MLYCD: variants seen among roughly 807,000 people sequenced by gnomAD.
The protein encoded by MLYCD is malonyl-CoA decarboxylase.
A neutral mutation model predicts 35.8 loss-of-function variants in MLYCD; 27 were observed. The observed-to-expected ratio is 0.75, with a 90% CI of 0.56 to 1.04. The LOEUF (loss-of-function observed/expected upper bound fraction) is 1.04, where lower values mean the gene tolerates loss of function less well. MLYCD is among the 50% of genes least tolerant of loss of function. MLYCD has a pLI of 0.00. For synonymous variants in MLYCD, 403 were observed against 302.4 expected (o/e 1.33, Z -3.45); for missense variants, 917 against 665.1 (o/e 1.38, Z -4.17).
chr16:83,917,440 C>A lies in MLYCD; in HGVS notation c.*1951C>A. 1 of 154,736 alleles carries A rather than the reference C, an allele frequency of 6.5e-6. No individual in the cohort carries two copies. The highest frequency in any genetic ancestry group is 2.0e-4 in the South Asian group (1 of 4,924). The allele number at this position is 154,736 out of a possible 1,614,324, so 9.6% of individuals were successfully genotyped here. ...CTGTGTGCGTGTGTCCGCAGTTGCCCTGTCCTCGCTGTCCTCGGTTTGGCA... is the reference window on the plus strand; with the variant it reads ...CTGTGTGCGTGTGTCCGCAGTTGCCATGTCCTCGCTGTCCTCGGTTTGGCA... On this transcript the variant is annotated 3_prime_UTR_variant, in exon 5 of 5. Transcript: ENST00000262430.
At chr16:83,907,436 C>T (rs1306067575) in intron 2 of MLYCD, among the ~76,000 whole-genome samples, 1 of 152,204 alleles carries the variant, frequency 6.6e-6, no homozygotes, top group Non-Finnish European at 1.5e-5. Context: ...CTGGACCAAG[C>T]GTTTGCATTC....
chr16:83,907,317 T>C lies in MLYCD; in HGVS notation c.641+218T>C, dbSNP rs3815811. On this transcript the variant is annotated intron_variant, in intron 2 of 4. Transcript: ENST00000262430. ...GAAAGGGCACCAAGAGAAACTGATA[T>C]GTCTGTCAGTGACCTGCGTGTGAGG... 0.073 allele frequency among the ~76,000 whole-genome samples: 11,089 copies of C among 152,212 alleles called. 486 individuals carry two copies. The highest frequency in any genetic ancestry group is 0.11 in the East Asian group (582 of 5,172).
rs768104447 is a variant in MLYCD at position 83,915,478 on chromosome 16, A to G, written c.1471A>G (p.Ser491Gly). Residue 491 changes from serine (S) to glycine (G), a missense_variant, in exon 5 of 5, where the codon AGC becomes GGC. Ser to Gly is a moderately conservative substitution (Grantham distance 56). Coordinates refer to ENST00000262430, the MANE Select transcript of MLYCD (RefSeq NM_012213.3). ...LSLVAQFQKN[S>G]KL Reference sequence around the variant, plus strand: ...CCTAGTGGCCCAGTTTCAAAAGAACAGCAAGCTCTGACAGTAAACCTCTCC... The same window carrying G: ...CCTAGTGGCCCAGTTTCAAAAGAACGGCAAGCTCTGACAGTAAACCTCTCC... The G allele has an allele frequency of 6.2e-7, 1 of 1,611,874 alleles. No homozygotes were observed. The highest frequency in any genetic ancestry group is 1.1e-5 in the South Asian group (1 of 91,086).
chr16:83,899,469 G>A lies in MLYCD; in HGVS notation c.325G>A (p.Val109Met), dbSNP rs1306646652. 5.2e-6 allele frequency: 8 copies of A among 1,548,708 alleles called. No individual in the cohort carries two copies. The highest frequency in any genetic ancestry group is 1.2e-5 in the South Asian group (1 of 85,626). The change falls in exon 1 of 5, where the codon GTG becomes ATG. Residue 109 changes from valine to methionine, a missense_variant. By Grantham distance (21) the Val-to-Met change is conservative. Transcript: ENST00000262430. The stretch of plus-strand genomic sequence containing the variant: ...CCAGGTGGCGGAGCAGAGCGCCGGC[G>A]TGCTCCATCTGCGCCAGCAGCAGCG... Reference protein sequence around the residue: ...HGQVAEQSAGVLHLRQQQREA... With the variant: ...HGQVAEQSAGMLHLRQQQREA...
intron 2 of MLYCD, 63 bp from the exon 3 acceptor site, chr16:83,908,063 G>C: frequency 6.3e-7 from 1 of 1,592,112 alleles, no homozygotes. Flanking sequence ...GTATGAATAG[G>C]AGTCAGCAGC....
chr16:83,904,227 C>T lies in MLYCD; in HGVS notation c.529-2760C>T, dbSNP rs529302463. Among the ~76,000 whole-genome samples, 3 of 152,294 alleles carry T rather than the reference C, an allele frequency of 2.0e-5. 1 individual carries two copies. The South Asian group carries it at 6.2e-4, about 32-fold the overall frequency. ...GTAAGACAGATACCAGTACCTCTTA[C>T]GCAGAGCTCAGCTCATCCGTTCCTA... is the stretch of plus-strand genomic sequence containing the variant. On this transcript the variant is annotated intron_variant, in intron 1 of 4. Transcript: ENST00000262430.
Position 83,907,069 on chromosome 16 carries a change from C to T in MLYCD, c.611C>T (p.Ser204Leu), listed in dbSNP as rs769582107. The T allele has an allele frequency of 3.7e-6, 6 of 1,614,170 alleles. No homozygotes were observed. The highest frequency in any genetic ancestry group is 5.1e-6 in the Non-Finnish European group (6 of 1,179,992). ...FLNLERVTWH[S>L]PCEVLQKISE... is the part of the protein sequence containing the mutation. ...AACCTAGAACGGGTTACCTGGCATT[C>T]ACCGTGTGAAGTGCTTCAGAAAATC... The change falls in exon 2 of 5, where the codon TCA becomes TTA. Residue 204 changes from serine to leucine, a missense_variant. Coordinates refer to ENST00000262430, the MANE Select transcript of MLYCD (RefSeq NM_012213.3).
At chr16:83,901,350 T>G (rs1232325010) in intron 1 of MLYCD, among the ~76,000 whole-genome samples, 2 of 152,208 alleles carry the variant, frequency 1.3e-5, no homozygotes, top group Admixed American at 6.5e-5. Context: ...GTCTTTAAAT[T>G]TCTTGCATAG....
rs762339233 is a variant in MLYCD, at chr16:83,917,601, G to A, written c.*2112G>A. On this transcript the variant is annotated 3_prime_UTR_variant, in exon 5 of 5. Transcript: ENST00000262430. ...GCTGTCTCATGCCTCTTGTTCTCCG[G>A]GCTGATTCTGAAAGAGTGGCTTGCA... is the stretch of plus-strand genomic sequence containing the variant. 6 of 152,256 alleles carry A rather than the reference G, an allele frequency of 3.9e-5. No individual in the cohort carries two copies. The highest frequency in any genetic ancestry group is 8.8e-5 in the Non-Finnish European group (6 of 68,044). 9.4% of individuals were successfully genotyped at this position (152,256 alleles called of 1,614,324 possible).
intron 4 of MLYCD, 179 bp from the exon 5 acceptor site, chr16:83,914,777 T>C: frequency 2.3e-6 from 2 of 885,202 alleles, no homozygotes; most frequent in South Asian, 1.5e-5. Flanking sequence ...AGACCCTGAC[T>C]CTAAGAGGAA....
intron 3 of MLYCD, among the ~76,000 whole-genome samples, chr16:83,910,447 G>A (rs939050839): frequency 6.6e-6 from 1 of 152,056 alleles, no homozygotes; most frequent in Non-Finnish European, 1.5e-5. Flanking sequence ...AACACCCCGG[G>A]AGGCTGAGGA....
At chr16:83,914,095 T>G (rs1333603901) in intron 4 of MLYCD, 1 of 152,142 alleles carries the variant, frequency 6.6e-6, no homozygotes, top group Non-Finnish European at 1.5e-5. Context: ...CTCAATGTAG[T>G]GGAGTGTGAT....
Position 83,921,343 on chromosome 16 carries a change from T to C in MLYCD, c.*5854T>C, listed in dbSNP as rs1907646437. On this transcript the variant is annotated 3_prime_UTR_variant, in exon 5 of 5. Transcript: ENST00000262430. ...GGATAGATGGAGGGTAGAGTGTAGA[T>C]GGAAGGAAAGGAAAGGAGGATGGAT... 2.3e-5 allele frequency: 3 copies of C among 130,818 alleles called. No homozygotes were observed. The South Asian group carries it at 7.5e-4, about 33-fold the overall frequency. The allele number at this position is 130,818 out of a possible 1,614,324, so 8.1% of individuals were successfully genotyped here.
intron 1 of MLYCD, among the ~76,000 whole-genome samples, chr16:83,902,153 GCGTATATA>G (rs1259422647): frequency 4.5e-4 from 35 of 77,030 alleles, no homozygotes; most frequent in Admixed American, 3.4e-3. Flanking sequence ...GTGTGTGCGT[GCGTATATA>G]TATATATATA....
chr16:83,912,387 C>A lies in MLYCD; in HGVS notation c.948+20C>A. 6.2e-7 allele frequency: 1 copy of A among 1,613,926 alleles called. No individual in the cohort carries two copies. Among genetic ancestry groups the A allele is most frequent in the East Asian group, 2.2e-5 (1 of 44,860 alleles). On this transcript the variant is annotated intron_variant, in intron 4 of 4. Coordinates refer to ENST00000262430, the MANE Select transcript of MLYCD (RefSeq NM_012213.3). The stretch of plus-strand genomic sequence containing the variant: ...TTGCAGGTAAGCGACACGCAGGGAG[C>A]CCCGGTCACGCTTGGCTTCCGTGTG...
rs1907406383 is a variant in MLYCD, at chr16:83,916,670, C to G, written c.*1181C>G. On this transcript the variant is annotated 3_prime_UTR_variant, in exon 5 of 5. Transcript: ENST00000262430. ...TGTGCACGAGCATCTCTGTGTGTGT[C>G]AGTGCACGTCTGTGTGCGTGTGCAC... The G allele has an allele frequency of 7.9e-6, 1 of 127,342 alleles. No homozygotes were observed. The highest frequency in any genetic ancestry group is 2.8e-4 in the East Asian group (1 of 3,562). 7.9% of individuals were successfully genotyped at this position (127,342 alleles called of 1,614,324 possible). A position where few individuals can be genotyped will look rare whatever the true frequency, so the allele number is the denominator to read the frequency against.
chr16:83,912,066 A>C lies in MLYCD; in HGVS notation c.799-152A>C, dbSNP rs1206908933. On this transcript the variant is annotated intron_variant, in intron 3 of 4. Coordinates refer to ENST00000262430, the MANE Select transcript of MLYCD (RefSeq NM_012213.3). Reference sequence around the variant, plus strand: ...GAGTTTTCAAAACAGAGCAGCTTTTAGGCTCTGTAGCCTGAACCCCAGCTG... The same window carrying C: ...GAGTTTTCAAAACAGAGCAGCTTTTCGGCTCTGTAGCCTGAACCCCAGCTG... 6.4e-6 allele frequency: 7 copies of C among 1,094,550 alleles called. No homozygotes were observed. In the East Asian group the frequency reaches 1.4e-4, roughly 22 times the overall value. The allele number at this position is 1,094,550 out of a possible 1,614,324, so 67.8% of individuals were successfully genotyped here.
chr16:83,911,225 G>A (rs190383584), intron 3 of MLYCD, among the ~76,000 whole-genome samples: 2,230 of 152,156 alleles, frequency 0.015, 52 homozygotes, highest in African/African-American at 0.052. Flanking sequence ...TGATCTGCCC[G>A]CCTCGGCCTC....
At chr16:83,909,088 C>G (rs1433478544) in intron 3 of MLYCD, among the ~76,000 whole-genome samples, 1 of 152,100 alleles carries the variant, frequency 6.6e-6, no homozygotes, top group Non-Finnish European at 1.5e-5. Flanking sequence ...GAAACACATT[C>G]CCTTACAATG....
Sources: allele counts gnomAD v4.1 joint callset (sites outside exome capture counted in the v4.1 genomes callset), GRCh38; gene constraint gnomAD v4.1.1; transcripts MANE v1.5; gene names NCBI Gene and HGNC (gene_info 2026-07-23, HGNC 2026-07-21).